Variants in PHF6 observed in about 807,000 individuals in gnomAD.
PHF6 encodes PHD-like zinc finger protein.
Under a neutral mutation model 34.0 loss-of-function variants are expected in PHF6, and 7 were observed. The observed-to-expected ratio is 0.21, with a 90% confidence interval of 0.12 to 0.39. The LOEUF is 0.39. Ranked by LOEUF, PHF6 falls within the 10% of genes least tolerant of loss-of-function variation. The pLI is 1.00. For synonymous variants in PHF6, 89 were observed against 88.4 expected, an observed-to-expected ratio of 1.01 and a Z score of -0.04; for missense variants, 128 against 262.8, an observed-to-expected ratio of 0.49 and a Z score of 3.55.
At chrX:134,383,121 A>T (rs763355434) in intron 3 of PHF6, among the ~76,000 whole-genome samples, 39 of 110,199 alleles carry the variant, frequency 3.5e-4, no homozygotes, top group Non-Finnish European at 6.8e-4. Context: ...GTTCCTGTAG[A>T]CCTAGCTACT....
intron 3 of PHF6, among the ~76,000 whole-genome samples, chrX:134,384,634 C>CTTCT (rs202210165): frequency 0.02 from 2,141 of 105,859 alleles, 54 homozygotes; most frequent in African/African-American, 0.068. Context: ...TCTGCCTTTT[C>CTTCT]TTCTTTCTTT....
intron 3 of PHF6, among the ~76,000 whole-genome samples, chrX:134,391,680 G>C (rs1484049726): frequency 9.0e-6 from 1 of 111,695 alleles, no homozygotes; most frequent in Non-Finnish European, 1.9e-5. Context: ...TTAGTGAAGT[G>C]GGATAATGTT....
chrX:134,422,985 C>T (rs2077497036), intron 9 of PHF6, among the ~76,000 whole-genome samples: 2 of 112,294 alleles, frequency 1.8e-5, no homozygotes, highest in Non-Finnish European at 3.8e-5. Flanking sequence ...AACAAGTCCT[C>T]ATATCAGCAG....
intron 1 of PHF6, 105 bp downstream of exon 1, chrX:134,373,572 A>T (rs1281492137): frequency 9.4e-6 from 1 of 106,118 alleles, no homozygotes; most frequent in African/African-American, 3.5e-5. Context: ...GTTAAAGGGG[A>T]CTCTTGGTGG....
At chrX:134,385,399 A>G (rs922600490) in intron 3 of PHF6, among the ~76,000 whole-genome samples, 5 of 111,827 alleles carry the variant, frequency 4.5e-5, no homozygotes, top group Admixed American at 9.5e-5. Flanking sequence ...TGTATTGTTG[A>G]CTCTGGGAGA....
intron 5 of PHF6, among the ~76,000 whole-genome samples, chrX:134,399,762 TG>T (rs1208865116): frequency 9.0e-6 from 1 of 110,624 alleles, no homozygotes; most frequent in Non-Finnish European, 1.9e-5. Context: ...TTACAATGGA[TG>T]AAGCAATATT....
Position 134,422,385 on chromosome X carries a change from G to T in PHF6, c.969-2816G>T, listed in dbSNP as rs903153370. Among the ~76,000 whole-genome samples the T allele has an allele frequency of 8.9e-5, 10 of 112,132 alleles. No homozygotes were observed. In the Admixed American group the frequency reaches 9.5e-4, roughly 11 times the overall value. ...TATGTACTTGGATCCATAATGATTT[G>T]AATTGCTCTTTTTCTTTTCTCCCAT... On this transcript the variant is annotated intron_variant, in intron 9 of 10. Transcript: ENST00000370803.
At position 134,425,216 on chromosome X, in the gene PHF6, T is replaced by C; in HGVS notation, c.984T>C (p.Asn328=). The change falls in exon 10 of 11, where the codon AAT becomes AAC. Residue 328 remains asparagine (N), a synonymous_variant. Transcript: ENST00000370803. The part of the protein sequence containing the change: ...SRGIYKLYCK[N]HSGNDERDEE... ...ATCATTGTAGACTATACTGTAAAAA[T>C]CATAGTGGAAATGATGAGAGAGATG... 1 of 1,210,029 alleles carries C rather than the reference T, an allele frequency of 8.3e-7. No individual in the cohort carries two copies. The highest frequency in any genetic ancestry group is 1.7e-5 in the African/African-American group (1 of 57,604).
At chrX:134,412,136 G>C (rs780215622) in intron 5 of PHF6, among the ~76,000 whole-genome samples, 1 of 112,237 alleles carries the variant, frequency 8.9e-6, no homozygotes, top group African/African-American at 3.2e-5. Flanking sequence ...GTTTGCTATC[G>C]TGTTAAGGAG....
chrX:134,383,429 A>ATCCT (rs1431014252), intron 3 of PHF6, among the ~76,000 whole-genome samples: 2 of 111,059 alleles, frequency 1.8e-5, no homozygotes, highest in Non-Finnish European at 3.8e-5. Flanking sequence ...CATTAAATAA[A>ATCCT]TATTTGAGTT....
chrX:134,407,333 A>G (rs770749460), intron 5 of PHF6, among the ~76,000 whole-genome samples: 16 of 112,663 alleles, frequency 1.4e-4, no homozygotes, highest in Non-Finnish European at 3.0e-4. Context: ...TTATACACAC[A>G]TATTTACAAA....
chrX:134,391,842 A>G (rs2077355864), intron 3 of PHF6, among the ~76,000 whole-genome samples: 1 of 111,691 alleles, frequency 9.0e-6, no homozygotes, highest in African/African-American at 3.3e-5. Flanking sequence ...CTTTAATATA[A>G]TAGAACTTTG....
intron 5 of PHF6, among the ~76,000 whole-genome samples, chrX:134,407,055 T>C (rs73573258): frequency 0.012 from 1,395 of 112,215 alleles, 24 homozygotes; most frequent in African/African-American, 0.043. Context: ...AAGAGCATAC[T>C]TGTAGTTATT....
intron 3 of PHF6, among the ~76,000 whole-genome samples, chrX:134,392,176 A>G (rs1362064321): frequency 3.6e-5 from 4 of 112,295 alleles, no homozygotes; most frequent in African/African-American, 9.7e-5. Flanking sequence ...GCCTCTTGGT[A>G]CACCAATATT....
chrX:134,415,222 G>C, intron 8 of PHF6, 102 bp downstream of exon 8: 1 of 1,184,310 alleles, frequency 8.4e-7, no homozygotes, highest in Non-Finnish European at 1.1e-6. Flanking sequence ...ATTTAAAGTA[G>C]TTCGTATGTT....
At chrX:134,376,965 A>G (rs768326476) in intron 1 of PHF6, among the ~76,000 whole-genome samples, 38 of 112,075 alleles carry the variant, frequency 3.4e-4, no homozygotes, top group Non-Finnish European at 4.0e-4. Context: ...AAATTGTTCA[A>G]TTACAGAATT....
rs1186430202 is a variant in PHF6 at position 134,413,541 on chromosome X, A to G, written c.469A>G (p.Lys157Glu). 1 of 1,209,042 alleles carries G rather than the reference A, an allele frequency of 8.3e-7. No homozygotes were observed. The highest frequency in any genetic ancestry group is 1.1e-6 in the Non-Finnish European group (1 of 895,053). Residue 157 changes from lysine (K) to glutamate (E), a missense_variant, in exon 6 of 11, where the codon AAA (lysine) becomes GAA (glutamate). Physicochemically the swap from Lys to Glu is moderately conservative, Grantham distance 56. Coordinates refer to ENST00000370803, the MANE Select transcript of PHF6 (RefSeq NM_001015877.2). The part of the protein sequence containing the change: ...NEHELEPSSP[K>E]SKKKSRKGRP... The stretch of plus-strand genomic sequence containing the variant: ...ACATGAACTGGAGCCCTCATCACCT[A>G]AAAGTAAAAAGAAAAGTCGCAAAGG...
chrX:134,396,709 T>C (rs1300782986), intron 5 of PHF6, among the ~76,000 whole-genome samples: 1 of 111,275 alleles, frequency 9.0e-6, no homozygotes, highest in Non-Finnish European at 1.9e-5. Context: ...ATTTCTGGCT[T>C]TTATCACATT....
At chrX:134,418,884 C>G (rs2077481454) in intron 9 of PHF6, 1 of 106,943 alleles carries the variant, frequency 9.4e-6, no homozygotes, top group Non-Finnish European at 1.9e-5. Flanking sequence ...ACTCTGTTGT[C>G]CAGGCTGGAG....
Sources: gnomAD v4.1 joint callset for allele counts (sites outside exome capture counted in the v4.1 genomes callset) on GRCh38, gnomAD v4.1.1 for gene constraint, MANE v1.5 for transcripts, NCBI Gene and HGNC (gene_info 2026-07-23, HGNC 2026-07-21) for gene names.